The following SEC16B variants were observed in gnomAD, a reference collection of about 807,000 sequenced individuals.
SEC16B encodes the protein protein transport protein Sec16B.
Under a neutral mutation model 141.8 loss-of-function variants are expected in SEC16B, and 115 were observed. That is an observed-to-expected ratio of 0.81 (90% CI 0.70 to 0.95). The LOEUF (loss-of-function observed/expected upper bound fraction) is 0.95, where lower values mean the gene tolerates loss of function less well. Ranked by LOEUF, SEC16B falls within the 40% of genes least tolerant of loss-of-function variation. The pLI is 0.00. For synonymous variants in SEC16B, 493 were observed against 492.5 expected, an observed-to-expected ratio of 1.00 and a Z score of -0.01; for missense variants, 1,291 against 1,312.3, an observed-to-expected ratio of 0.98 and a Z score of 0.25.
At chr1:177,969,473 C>T (rs1358383350) in intron 1 of SEC16B, among the ~76,000 whole-genome samples, 1 of 152,178 alleles carries the variant, frequency 6.6e-6, no homozygotes, top group Non-Finnish European at 1.5e-5. Flanking sequence ...GTCCCAGACA[C>T]AGGGAAGGGC....
At chr1:177,936,508 T>C (rs1650854733) in intron 19 of SEC16B, 143 bp from the exon 20 acceptor site, 1 of 706,684 alleles carries the variant, frequency 1.4e-6, no homozygotes, top group Admixed American at 2.3e-5. Context: ...TCACAGCAAA[T>C]ACAAAGAATG....
At position 177,938,966 on chromosome 1, in the gene SEC16B, A is replaced by T. The variant is rs372953536; in HGVS notation, c.2203+736T>A. On this transcript the variant is annotated intron_variant, in intron 18 of 25. Coordinates refer to ENST00000308284, the MANE Select transcript of SEC16B (RefSeq NM_033127.4). ...CGCCTGCTCCACTGGGCACCAAGGC[A>T]TCAGGAGGCAGGGCTGTGGGGAAGC... Among the ~76,000 whole-genome samples the T allele has an allele frequency of 3.0e-4, 45 of 152,354 alleles. 1 individual carries two copies. The South Asian group carries it at 8.9e-3, about 30-fold the overall frequency.
At position 177,960,284 on chromosome 1, in the gene SEC16B, G is replaced by A. The variant is rs1046444662; in HGVS notation, c.998+58C>T. Reference sequence around the variant, plus strand: ...ACAAATCTCCAAAATGCTGATCTGGGCAGGAAGATTTTCTAGGTTTCAAAA... The same window carrying A: ...ACAAATCTCCAAAATGCTGATCTGGACAGGAAGATTTTCTAGGTTTCAAAA... On this transcript the variant is annotated intron_variant, in intron 8 of 25. Transcript: ENST00000308284. 2.5e-5 allele frequency: 28 copies of A among 1,105,796 alleles called. No homozygotes were observed. In the African/African-American group the frequency reaches 3.2e-4, roughly 13 times the overall value. 68.5% of individuals were successfully genotyped at this position (1,105,796 alleles called of 1,614,324 possible).
upstream of SEC16B, among the ~76,000 whole-genome samples, chr1:177,971,239 C>T (rs1422038416): frequency 7.9e-5 from 12 of 151,968 alleles, no homozygotes; most frequent in Non-Finnish European, 5.9e-5. Context: ...GTGCCACCAC[C>T]CCTGGCTAAT....
intron 13 of SEC16B, 49 bp downstream of exon 13, chr1:177,947,776 A>AGGGACAGGGAGGGGAGGGG: frequency 1.0e-6 from 1 of 976,434 alleles, no homozygotes; most frequent in South Asian, 1.4e-5. Context: ...AGGGGAGGGG[A>AGGGACAGGGAGGGGAGGGG]GGGAAGGGAC....
chr1:177,942,189 T>C (rs946149298), intron 15 of SEC16B, 149 bp from the exon 16 acceptor site: 5 of 847,902 alleles, frequency 5.9e-6, no homozygotes, highest in Non-Finnish European at 8.9e-6. Context: ...TGGAGCATTT[T>C]ATCTATGCAC....
intron 17 of SEC16B, 92 bp from the exon 18 acceptor site, chr1:177,939,869 A>C: frequency 2.4e-5 from 25 of 1,041,092 alleles, no homozygotes; most frequent in Admixed American, 4.9e-5. Context: ...GCCAAAAAGA[A>C]ACTTCCAGTG....
At chr1:177,946,643 A>G (rs74128490) in intron 13 of SEC16B, 112 bp from the exon 14 acceptor site, 118,417 of 724,084 alleles carry the variant, frequency 0.16, 10,539 homozygotes, top group Non-Finnish European at 0.18. Flanking sequence ...CAGAGGGGAG[A>G]AGCCACATGG....
chr1:177,960,301 G>A (rs1264236058), intron 8 of SEC16B, 41 bp downstream of exon 8: 7 of 1,347,976 alleles, frequency 5.2e-6, no homozygotes, highest in Non-Finnish European at 7.4e-6. Context: ...GATTTTCTAG[G>A]TTTCAAAAGC....
intron 3 of SEC16B, 28 bp from the exon 4 acceptor site, chr1:177,965,195 G>C: frequency 1.9e-6 from 3 of 1,611,014 alleles, no homozygotes; most frequent in Non-Finnish European, 2.5e-6. Flanking sequence ...ACAAAATCAA[G>C]ACAGGTCACT....
At chr1:177,968,603 T>C (rs6425458) in intron 1 of SEC16B, among the ~76,000 whole-genome samples, 59,547 of 151,932 alleles carry the variant, frequency 0.39, 13,748 homozygotes, top group African/African-American at 0.64. Context: ...TTACCTAACA[T>C]GTTAAAATGC....
Position 177,947,820 on chromosome 1 carries a change from C to A in SEC16B, c.1663+5G>T. On this transcript the variant is annotated splice_donor_5th_base_variant and intron_variant, in intron 13 of 25. Transcript: ENST00000308284. ...GAGCGGAGGGGAAATGCTGGTGTCG[C>A]TTACCCAGGGTGTCCCCAATGGCAA... The A allele has an allele frequency of 2.1e-6, 3 of 1,454,010 alleles. No homozygotes were observed. The highest frequency in any genetic ancestry group is 2.7e-6 in the Non-Finnish European group (3 of 1,092,902). 90.1% of individuals were successfully genotyped at this position (1,454,010 alleles called of 1,614,324 possible).
intron 4 of SEC16B, 69 bp from the exon 5 acceptor site, chr1:177,964,348 C>A (rs533101725): frequency 7.9e-6 from 9 of 1,136,064 alleles, no homozygotes; most frequent in Non-Finnish European, 1.1e-5. Context: ...CACTCTCCGC[C>A]GGAAGCTGAC....
At chr1:177,982,360 G>A (rs2102034490) in intron 1 of SEC16B, among the ~76,000 whole-genome samples, 1 of 152,290 alleles carries the variant, frequency 6.6e-6, no homozygotes. Flanking sequence ...TGATGAGTGT[G>A]GTAGTTCCAG....
Position 177,947,851 on chromosome 1 carries a change from G to T in SEC16B, c.1637C>A (p.Ala546Glu), listed in dbSNP as rs1448896675. 4 of 1,556,984 alleles carry T rather than the reference G, an allele frequency of 2.6e-6. No homozygotes were observed. The African/African-American group carries it at 5.5e-5, about 21-fold the overall frequency. Residue 546 changes from alanine to glutamate, a missense_variant, in exon 13 of 26, where the codon GCG (alanine) becomes GAG (glutamate). Ala to Glu is a moderately radical substitution (Grantham distance 107). Transcript: ENST00000308284. ...QAGDPELYQR[A>E]IVAIGDTLAG... ...CAGGGTGTCCCCAATGGCAACAATC[G>T]CACGCTGATACAGCTCTGGGTCCCC...
intron 1 of SEC16B, among the ~76,000 whole-genome samples, chr1:177,982,719 T>C (rs1654471301): frequency 6.6e-6 from 1 of 152,192 alleles, no homozygotes; most frequent in South Asian, 2.1e-4. Flanking sequence ...TGGCTAATTT[T>C]TATTTTAGTT....
chr1:177,958,185 G>C lies in SEC16B; in HGVS notation c.1312C>G (p.Pro438Ala). The C allele has an allele frequency of 1.3e-6, 2 of 1,594,868 alleles. No individual in the cohort carries two copies. The highest frequency in any genetic ancestry group is 8.5e-7 in the Non-Finnish European group (1 of 1,169,862). ...TGEIPPSVET[P>A]AQIVEKFTRL... ...GTGAATTTCTCCACGATCTGCGCAG[G>C]TGTCTCCACACTGGGGGGGATCTCT... Residue 438 changes from proline (P) to alanine (A), a missense_variant, in exon 10 of 26, where the codon CCT (proline) becomes GCT (alanine). Transcript: ENST00000308284.
chr1:177,944,188 C>A (rs754854815), intron 15 of SEC16B, among the ~76,000 whole-genome samples: 1 of 152,108 alleles, frequency 6.6e-6, no homozygotes, highest in African/African-American at 2.4e-5. Context: ...GCTGGGCCTG[C>A]GCTCCCACTC....
chr1:177,937,555 G>A (rs367892783), intron 18 of SEC16B, 42 bp from the exon 19 acceptor site: 277 of 1,436,038 alleles, frequency 1.9e-4, no homozygotes, highest in Non-Finnish European at 2.4e-4. Flanking sequence ...GACCTGAAAT[G>A]CGGCATTTGC....
Sources: gnomAD v4.1 joint callset for allele counts (sites outside exome capture counted in the v4.1 genomes callset) on GRCh38, gnomAD v4.1.1 for gene constraint, MANE v1.5 for transcripts, NCBI Gene and HGNC (gene_info 2026-07-23, HGNC 2026-07-21) for gene names.